Variants in ANKRD20A1 observed in about 807,000 individuals in gnomAD.
ANKRD20A1 encodes ankyrin repeat domain 20 family member A1.
In ANKRD20A1, 2 loss-of-function variants were observed where a neutral mutation model predicts 50.9. The observed-to-expected ratio is 0.04, with a 90% CI of 0.02 to 0.12. The LOEUF (loss-of-function observed/expected upper bound fraction) is 0.12, where lower values mean the gene tolerates loss of function less well. Ranked by LOEUF, ANKRD20A1 falls within the 10% of genes least tolerant of loss-of-function variation. ANKRD20A1 has a pLI of 1.00. For missense variants in ANKRD20A1, 31 were observed against 548.1 expected (o/e 0.06, Z 9.42); for synonymous variants, 10 against 186.2 (o/e 0.05, Z 7.70).
chr9:67,882,307 G>A (rs2131556403), intron 8 of ANKRD20A1, among the ~76,000 whole-genome samples: 1 of 151,488 alleles, frequency 6.6e-6, no homozygotes, highest in Admixed American at 6.6e-5. Context: ...TGAATAAATA[G>A]ACAAATGAAT....
intron 8 of ANKRD20A1, among the ~76,000 whole-genome samples, chr9:67,881,532 C>T (rs1220601556): frequency 2.0e-5 from 3 of 151,742 alleles, no homozygotes; most frequent in Admixed American, 6.6e-5. Context: ...TTTTGGAGGC[C>T]GAGGTCGGTA....
In ANKRD20A1 at chr9:67,872,633, G is replaced by A. The variant is rs1679157090; in HGVS notation, c.793+1421G>A. On this transcript the variant is annotated intron_variant, in intron 6 of 14. Transcript: ENST00000562196. ...ATAATAGTATATTCAATAGTCATAT[G>A]TTTTTCTCCAGTTATACAATTTACT... Among the ~76,000 whole-genome samples the A allele has an allele frequency of 2.2e-5, 3 of 139,370 alleles. 1 individual carries two copies. Among genetic ancestry groups the A allele is most frequent in the African/African-American group, 5.3e-5 (2 of 37,454 alleles). 91.4% of individuals were successfully genotyped at this position (139,370 alleles called of 152,430 possible).
chr9:67,866,701 A>AG (rs1391132003), intron 3 of ANKRD20A1, among the ~76,000 whole-genome samples: 1 of 484 alleles, frequency 2.1e-3, no homozygotes, highest in Admixed American at 0.028. Context: ...GTATTGTGAA[A>AG]GGGGATTAGG....
chr9:67,868,020 ATTG>A (rs1011320653), intron 4 of ANKRD20A1, among the ~76,000 whole-genome samples: 4 of 126,376 alleles, frequency 3.2e-5, no homozygotes, highest in Admixed American at 1.9e-4. Context: ...CATTATTATT[ATTG>A]TTGTTGTTGT....
Position 67,861,215 on chromosome 9 carries a change from GTGT to G in ANKRD20A1, c.203+1591_203+1593del, listed in dbSNP as rs1291094031. Among the ~76,000 whole-genome samples the G allele has an allele frequency of 8.2e-5, 4 of 48,868 alleles. 2 individuals carry two copies. Among genetic ancestry groups the G allele is most frequent in the East Asian group, 7.9e-4 (2 of 2,518 alleles). 32.1% of individuals were successfully genotyped at this position (48,868 alleles called of 152,430 possible). A position where few individuals can be genotyped will look rare whatever the true frequency, so the allele number is the denominator to read the frequency against. ...TTTCTATTCTTTATCATTATTGTGT[GTGT>G]TGTTATCTTCTTTGAGCTTTTAGCC... On this transcript the variant is annotated intron_variant, in intron 1 of 14. Coordinates refer to ENST00000562196, the MANE Select transcript of ANKRD20A1 (RefSeq NM_032250.5).
chr9:67,881,079 C>G (rs542180433), intron 8 of ANKRD20A1, among the ~76,000 whole-genome samples: 1 of 150,102 alleles, frequency 6.7e-6, no homozygotes, highest in Admixed American at 6.8e-5. Flanking sequence ...TGTTTTTCTA[C>G]TTATATTATT....
chr9:67,864,749 A>G lies in ANKRD20A1; in HGVS notation c.492+1358A>G, dbSNP rs1201132919. Among the ~76,000 whole-genome samples the G allele has an allele frequency of 2.7e-4, 13 of 48,156 alleles. 6 individuals carry two copies. Among genetic ancestry groups the G allele is most frequent in the Admixed American group, 2.1e-3 (13 of 6,286 alleles). 31.6% of individuals were successfully genotyped at this position (48,156 alleles called of 152,430 possible). A position where few individuals can be genotyped will look rare whatever the true frequency, so the allele number is the denominator to read the frequency against. On this transcript the variant is annotated intron_variant, in intron 3 of 14. Coordinates refer to ENST00000562196, the MANE Select transcript of ANKRD20A1 (RefSeq NM_032250.5). ...AAACCCCAGAATAGATAAGTGCAAT[A>G]TATAAATTTCTGTATCTCAAAAATG... is the stretch of plus-strand genomic sequence containing the variant.
In ANKRD20A1 at chr9:67,897,833, A is replaced by G. The variant is rs1415975980; in HGVS notation, c.1316+111A>G. ...CTCTTGTTGCCCAAGCTGGAGTTCA[A>G]TGGTGTGATCTCAGCTCACTGCAAC... is the stretch of plus-strand genomic sequence containing the variant. On this transcript the variant is annotated intron_variant, in intron 13 of 14. Coordinates refer to ENST00000562196, the MANE Select transcript of ANKRD20A1 (RefSeq NM_032250.5). The G allele has an allele frequency of 3.0e-5, 11 of 371,592 alleles. No individual in the cohort carries two copies. In the Admixed American group the frequency reaches 3.4e-4, roughly 11 times the overall value. The allele number at this position is 371,592 out of a possible 1,614,324, so 23.0% of individuals were successfully genotyped here. A position where few individuals can be genotyped will look rare whatever the true frequency, so the allele number is the denominator to read the frequency against.
chr9:67,869,162 AGGGG>A (rs1455546102), intron 5 of ANKRD20A1, among the ~76,000 whole-genome samples: 1 of 12,532 alleles, frequency 8.0e-5, no homozygotes. Flanking sequence ...AGTCAGAAGA[AGGGG>A]AAAAAAGGCC....
chr9:67,882,476 A>G (rs1199428301), intron 8 of ANKRD20A1, among the ~76,000 whole-genome samples: 2 of 147,792 alleles, frequency 1.4e-5, no homozygotes, highest in African/African-American at 4.9e-5. Context: ...TTAAAAAGGA[A>G]ATAAAATAGA....
intron 6 of ANKRD20A1, among the ~76,000 whole-genome samples, chr9:67,871,586 G>A (rs1298019618): frequency 2.5e-4 from 34 of 136,806 alleles, no homozygotes; most frequent in African/African-American, 9.3e-4. Flanking sequence ...ATAACAAATT[G>A]GACTTGTTAT....
intron 3 of ANKRD20A1, among the ~76,000 whole-genome samples, chr9:67,865,523 T>C (rs1220569700): frequency 4.4e-4 from 65 of 146,382 alleles, no homozygotes; most frequent in African/African-American, 1.6e-3. Context: ...TAATAGCGAA[T>C]ATAAAAAAAA....
Position 67,884,571 on chromosome 9 carries a change from G to T in ANKRD20A1, c.979+1G>T. ...AGAATAGTCAATGGACAAGGAGAAG[G>T]TGAGAACCGTATTTTATTTAAAAAG... On this transcript the variant is annotated splice_donor_variant, in intron 9 of 14. Coordinates refer to ENST00000562196, the MANE Select transcript of ANKRD20A1 (RefSeq NM_032250.5). LOFTEE classifies it high-confidence loss of function. 1 of 1,592,142 alleles carries T rather than the reference G, an allele frequency of 6.3e-7. No homozygotes were observed. The highest frequency in any genetic ancestry group is 8.5e-7 in the Non-Finnish European group (1 of 1,178,550).
chr9:67,871,350 TATATGTATATAC>T (rs2131551536), intron 6 of ANKRD20A1, 138 bp downstream of exon 6: 1 of 410,706 alleles, frequency 2.4e-6, no homozygotes, highest in African/African-American at 2.2e-5. Context: ...TGAATGTGTA[TATATGTATATAC>T]ATATGTAAAT....
chr9:67,865,646 A>G (rs551689403), intron 3 of ANKRD20A1, among the ~76,000 whole-genome samples: 1 of 141,484 alleles, frequency 7.1e-6, no homozygotes, highest in South Asian at 2.2e-4. Flanking sequence ...GGCATATCCT[A>G]AAAAATCAAA....
chr9:67,897,774 TTG>T, intron 13 of ANKRD20A1, 52 bp downstream of exon 13: 1 of 1,026,980 alleles, frequency 9.7e-7, no homozygotes, highest in Non-Finnish European at 1.3e-6. Flanking sequence ...TGGGTTTTTT[TTG>T]TTTGTTTTTG....
At chr9:67,879,386 AG>A (rs1169083250) in intron 7 of ANKRD20A1, among the ~76,000 whole-genome samples, 1 of 94,684 alleles carries the variant, frequency 1.1e-5, no homozygotes. Context: ...GGGCTGGGTC[AG>A]GGGCATGATT....
At chr9:67,865,165 C>G (rs1827540546) in intron 3 of ANKRD20A1, among the ~76,000 whole-genome samples, 1 of 151,654 alleles carries the variant, frequency 6.6e-6, no homozygotes, top group South Asian at 2.1e-4. Context: ...TATGAACTAT[C>G]TCAGTATGTT....
intron 11 of ANKRD20A1, among the ~76,000 whole-genome samples, chr9:67,889,106 A>G (rs927148252): frequency 6.9e-6 from 1 of 145,428 alleles, no homozygotes; most frequent in African/African-American, 2.5e-5. Context: ...AGCTGATACT[A>G]CCTGCATGTG....
Sources: gnomAD v4.1 joint callset for allele counts (sites outside exome capture counted in the v4.1 genomes callset) on GRCh38, gnomAD v4.1.1 for gene constraint, MANE v1.5 for transcripts, NCBI Gene and HGNC (gene_info 2026-07-23, HGNC 2026-07-21) for gene names.